TAL1: variants seen among roughly 807,000 people sequenced by gnomAD.
TAL1 encodes T-cell acute lymphocytic leukemia protein 1.
A neutral mutation model predicts 17.9 loss-of-function variants in TAL1; 8 were observed. The ratio of observed to expected loss-of-function variants is 0.45; its 90% CI spans 0.26 to 0.81. The LOEUF is 0.81. Ranked by LOEUF, TAL1 falls within the 30% of genes least tolerant of loss-of-function variation. TAL1 has a pLI of 0.17. For synonymous variants in TAL1, 223 were observed against 218.6 expected (o/e 1.02, Z -0.18); for missense variants, 466 against 486.9 (o/e 0.96, Z 0.40).
At chr1:47,217,861 T>A (rs1353060224) in exon 4 of TAL1, 3 of 397,748 alleles carry the variant, frequency 7.5e-6, no homozygotes, top group African/African-American at 6.2e-5. Flanking sequence ...CCTCACAGGA[T>A]CTTCCAAACG....
intron 1 of TAL1, among the ~76,000 whole-genome samples, chr1:47,226,738 C>T (rs926267770): frequency 1.3e-5 from 2 of 152,152 alleles, no homozygotes; most frequent in Non-Finnish European, 2.9e-5. Flanking sequence ...GAAGTGAGGT[C>T]GAGTCTCAAA....
chr1:47,217,108 A>C (rs985647016), exon 4 of TAL1: 7 of 236,094 alleles, frequency 3.0e-5, no homozygotes, highest in African/African-American at 1.1e-4. Context: ...GGCTGGGTGC[A>C]ATGGCTGACA....
exon 4 of TAL1, chr1:47,218,430 G>A (rs1390965687): frequency 2.1e-5 from 5 of 232,676 alleles, no homozygotes; most frequent in Non-Finnish European, 4.2e-5. Flanking sequence ...GGATAAGGAT[G>A]TGATTTACAA....
upstream of TAL1, chr1:47,232,209 C>A (rs1031847331): frequency 1.1e-5 from 2 of 184,636 alleles, no homozygotes; most frequent in African/African-American, 4.7e-5. Context: ...TTTTGAGGCC[C>A]GGTCCTGAGC....
intron 1 of TAL1, chr1:47,226,157 A>T: frequency 2.2e-6 from 1 of 450,780 alleles, no homozygotes; most frequent in Non-Finnish European, 3.9e-6. Flanking sequence ...GAGATGGAGG[A>T]AGACGACAGA....
rs749207732 is a variant in TAL1 at position 47,220,116 on chromosome 1, C to T, written c.600G>A (p.Gln200=). Reference sequence around the variant, plus strand: ...CGGCAAAGGCCCCGTTCACATTCTGCTGCCGCCATCGCTCCCGGCTGTTGG... The same window carrying T: ...CGGCAAAGGCCCCGTTCACATTCTGTTGCCGCCATCGCTCCCGGCTGTTGG... The change falls in exon 4 of 4, where the codon CAG becomes CAA. Residue 200 remains glutamine, a synonymous_variant. Coordinates refer to ENST00000294339, the Ensembl canonical transcript of TAL1. 6 of 1,604,362 alleles carry T rather than the reference C, an allele frequency of 3.7e-6. No homozygotes were observed. In the South Asian group the frequency reaches 6.6e-5, roughly 18 times the overall value.
chr1:47,219,176 T>A (rs1175929314), exon 4 of TAL1: 2 of 429,240 alleles, frequency 4.7e-6, no homozygotes, highest in Admixed American at 6.9e-5. Context: ...AGAAGGCACC[T>A]CGAGGCTTGT....
In TAL1 at chr1:47,219,813, C is replaced by T. The variant is rs776394227; in HGVS notation, c.903G>A (p.Pro301=). ...GCGCGGGCTCCTCCGTGTAGCTGTC[C>T]GGGCTGGCTGCCCCATCCAGGGAGC... Residue 301 remains proline (P), a synonymous_variant, in exon 4 of 4, where the codon CCG becomes CCA. Transcript: ENST00000294339. The T allele has an allele frequency of 5.0e-6, 8 of 1,608,298 alleles. No individual in the cohort carries two copies. The African/African-American group carries it at 6.7e-5, about 13-fold the overall frequency.
At chr1:47,220,166 T>C (rs777195752) in exon 4 of TAL1, 1 of 1,560,260 alleles carries the variant, frequency 6.4e-7, no homozygotes, top group African/African-American at 1.4e-5. Context: ...ACAACTTTGG[T>C]GTGGGGACCT....
exon 4 of TAL1, chr1:47,216,775 T>C: frequency 4.3e-6 from 1 of 231,748 alleles, no homozygotes; most frequent in Non-Finnish European, 8.5e-6. Context: ...GTTATGGTCA[T>C]CTTTGTTCTC....
At chr1:47,227,681 C>G (rs1643933350) in intron 1 of TAL1, 1 of 152,116 alleles carries the variant, frequency 6.6e-6, no homozygotes, top group African/African-American at 2.4e-5. Context: ...GGCAGTAGGT[C>G]CCTGACACTT....
exon 2 of TAL1, chr1:47,225,515 G>C: frequency 8.1e-7 from 1 of 1,236,540 alleles, no homozygotes; most frequent in Non-Finnish European, 1.0e-6. Context: ...GGCAGCCAGC[G>C]CGGGAGGACT....
intron 1 of TAL1, 29 bp downstream of exon 2, chr1:47,229,167 C>T (rs1014140405): frequency 5.7e-6 from 1 of 174,776 alleles, no homozygotes; most frequent in Non-Finnish European, 1.2e-5. Flanking sequence ...GACACCGTTT[C>T]CACCGGCACC....
chr1:47,228,402 T>C (rs1643945629), intron 1 of TAL1: 2 of 193,230 alleles, frequency 1.0e-5, no homozygotes, highest in East Asian at 1.6e-4. Flanking sequence ...GATTTTAGAC[T>C]GAATCGTTCT....
At chr1:47,225,691 A>C in exon 2 of TAL1, 1 of 1,430,102 alleles carries the variant, frequency 7.0e-7, no homozygotes, top group Non-Finnish European at 9.1e-7. Flanking sequence ...CGCCGCCCCC[A>C]CCGGCAGGGC....
chr1:47,217,227 A>AG (rs1475969760), exon 4 of TAL1: 6 of 300,906 alleles, frequency 2.0e-5, no homozygotes, highest in Non-Finnish European at 3.6e-5. Flanking sequence ...CAAAAAAAAA[A>AG]AAAAGTAAAA....
At chr1:47,230,959 C>A (rs1218969928), upstream of TAL1, 1 of 152,298 alleles carries the variant, frequency 6.6e-6, no homozygotes, top group African/African-American at 2.4e-5. Context: ...CGAATGTCCC[C>A]ACCCGAGGCT....
At chr1:47,219,238 A>G (rs1051584062) in exon 4 of TAL1, 1 of 443,472 alleles carries the variant, frequency 2.3e-6, no homozygotes, top group East Asian at 4.0e-5. Context: ...CTGGGTGAAG[A>G]TGGGGCTCAC....
chr1:47,223,897 C>T, intron 3 of TAL1, 107 bp downstream of exon 4: 8 of 1,135,970 alleles, frequency 7.0e-6, no homozygotes, highest in South Asian at 1.4e-5. Flanking sequence ...GAAAGTGGCC[C>T]GCCCATCTTT....
Sources: allele counts gnomAD v4.1 joint callset (sites outside exome capture counted in the v4.1 genomes callset), GRCh38; gene constraint gnomAD v4.1.1; transcripts MANE v1.5; gene names NCBI Gene and HGNC (gene_info 2026-07-23, HGNC 2026-07-21).